Variants in PRIM2 observed in about 807,000 individuals in gnomAD.
PRIM2 encodes the protein DNA primase large subunit.
Under a neutral mutation model 67.3 loss-of-function variants are expected in PRIM2, and 39 were observed. That is an observed-to-expected ratio of 0.58 (90% CI 0.45 to 0.76). The LOEUF (loss-of-function observed/expected upper bound fraction) is 0.76, where lower values mean the gene tolerates loss of function less well. PRIM2 is among the 30% of genes least tolerant of loss of function. PRIM2 has a pLI of 0.00. For synonymous variants in PRIM2, 143 were observed against 198.7 expected (o/e 0.72, Z 2.36); for missense variants, 398 against 598.7 (o/e 0.66, Z 3.50).
At chr6:57,450,124 G>C (rs1026246650) in intron 7 of PRIM2, among the ~76,000 whole-genome samples, 1 of 151,972 alleles carries the variant, frequency 6.6e-6, no homozygotes, top group African/African-American at 2.4e-5. Flanking sequence ...TGTCATCCCA[G>C]GTGAATTAAA....
chr6:57,537,054 A>G (rs1419343113), intron 9 of PRIM2, among the ~76,000 whole-genome samples: 1 of 152,156 alleles, frequency 6.6e-6, no homozygotes, highest in Admixed American at 6.5e-5. Context: ...GTGATAATCT[A>G]CTGTAGTTGT....
At chr6:57,344,569 A>G (rs1013893486) in intron 5 of PRIM2, among the ~76,000 whole-genome samples, 4 of 152,204 alleles carry the variant, frequency 2.6e-5, no homozygotes, top group Admixed American at 6.5e-5. Context: ...AGTAAACACT[A>G]CAAGTATAAT....
intron 7 of PRIM2, among the ~76,000 whole-genome samples, chr6:57,464,402 C>T (rs2397316): frequency 1.3e-5 from 2 of 152,008 alleles, no homozygotes; most frequent in Non-Finnish European, 2.9e-5. Context: ...CTCAGCCTCC[C>T]AAGTAGCTGG....
At chr6:57,498,459 C>G (rs1774055212) in intron 7 of PRIM2, among the ~76,000 whole-genome samples, 1 of 152,114 alleles carries the variant, frequency 6.6e-6, no homozygotes, top group Admixed American at 6.6e-5. Flanking sequence ...ATATTTATCT[C>G]TTTGTCATTT....
At chr6:57,591,468 A>G (rs1230822878) in intron 10 of PRIM2, among the ~76,000 whole-genome samples, 2 of 152,146 alleles carry the variant, frequency 1.3e-5, no homozygotes, top group African/African-American at 2.4e-5. Flanking sequence ...ACTTCTAATG[A>G]TTTTGGTATC....
chr6:57,575,047 CTA>C (rs1775936896), intron 10 of PRIM2, among the ~76,000 whole-genome samples: 1 of 152,140 alleles, frequency 6.6e-6, no homozygotes, highest in African/African-American at 2.4e-5. Context: ...TCTTCGTACC[CTA>C]GAGTCAGGTA....
At chr6:57,356,184 C>CTG (rs1769024549) in intron 5 of PRIM2, among the ~76,000 whole-genome samples, 1 of 152,154 alleles carries the variant, frequency 6.6e-6, no homozygotes, top group South Asian at 2.1e-4. Flanking sequence ...GCTGTAACAC[C>CTG]TGTAGTTGAA....
At chr6:57,520,239 A>G (rs1774583316) in intron 8 of PRIM2, among the ~76,000 whole-genome samples, 1 of 152,210 alleles carries the variant, frequency 6.6e-6, no homozygotes, top group East Asian at 1.9e-4. Flanking sequence ...AGAATGCCAT[A>G]AATGTGTAAT....
intron 8 of PRIM2, among the ~76,000 whole-genome samples, chr6:57,515,555 A>C (rs1554348145): frequency 6.6e-6 from 1 of 152,218 alleles, no homozygotes; most frequent in Non-Finnish European, 1.5e-5. Flanking sequence ...GAGGAAGCCA[A>C]ATGTTAAAGC....
At chr6:57,615,114 A>G (rs1219388131) in intron 12 of PRIM2, among the ~76,000 whole-genome samples, 1 of 152,120 alleles carries the variant, frequency 6.6e-6, no homozygotes, top group Non-Finnish European at 1.5e-5. Flanking sequence ...AAATATTTAT[A>G]TTTTGAGATA....
intron 5 of PRIM2, among the ~76,000 whole-genome samples, chr6:57,344,653 A>G (rs1768610346): frequency 6.6e-6 from 1 of 152,206 alleles, no homozygotes; most frequent in Admixed American, 6.5e-5. Context: ...ATGTATATTT[A>G]TTGGGCAGTT....
the PRIM2 span, among the ~76,000 whole-genome samples, chr6:57,306,607 T>C: frequency 6.6e-6 from 1 of 152,130 alleles, no homozygotes; most frequent in East Asian, 1.9e-4. Flanking sequence ...ACCTAACAAG[T>C]ATATTTGCTG....
intron 7 of PRIM2, among the ~76,000 whole-genome samples, chr6:57,484,670 G>A (rs1333941476): frequency 3.9e-5 from 6 of 152,026 alleles, no homozygotes; most frequent in African/African-American, 1.4e-4. Flanking sequence ...GTTTTTCTGT[G>A]ACTCTCCAAA....
At chr6:57,477,533 A>G (rs1472644657) in intron 7 of PRIM2, among the ~76,000 whole-genome samples, 3 of 152,220 alleles carry the variant, frequency 2.0e-5, no homozygotes, top group Admixed American at 2.0e-4. Context: ...TTTCTATAAC[A>G]TTTGTTGCTT....
chr6:57,536,328 G>T (rs2127469647), intron 9 of PRIM2, among the ~76,000 whole-genome samples: 1 of 152,340 alleles, frequency 6.6e-6, no homozygotes, highest in South Asian at 2.1e-4. Context: ...AGTAGGCAAT[G>T]ATATTTCATT....
chr6:57,281,787 C>T, the PRIM2 span, among the ~76,000 whole-genome samples: 1 of 152,250 alleles, frequency 6.6e-6, no homozygotes, highest in African/African-American at 2.4e-5. Flanking sequence ...CAGATGAATT[C>T]TCACTCACTA....
chr6:57,475,636 T>C (rs1773458917), intron 7 of PRIM2, among the ~76,000 whole-genome samples: 3 of 152,350 alleles, frequency 2.0e-5, no homozygotes, highest in Non-Finnish European at 4.4e-5. Flanking sequence ...CAGCATTGTT[T>C]TGACTGCCAC....
chr6:57,620,099 G>A (rs1776824889), intron 12 of PRIM2, among the ~76,000 whole-genome samples: 3 of 152,128 alleles, frequency 2.0e-5, no homozygotes, highest in Non-Finnish European at 4.4e-5. Context: ...GGGAGGCTGA[G>A]GCAGGAGAAT....
At chr6:57,486,286 T>C (rs1773751432) in intron 7 of PRIM2, among the ~76,000 whole-genome samples, 1 of 152,188 alleles carries the variant, frequency 6.6e-6, no homozygotes, top group Non-Finnish European at 1.5e-5. Context: ...AGTGTTCCAT[T>C]ATTGGAACGT....
Sources: allele counts gnomAD v4.1 joint callset (sites outside exome capture counted in the v4.1 genomes callset), GRCh38; gene constraint gnomAD v4.1.1; transcripts MANE v1.5; gene names NCBI Gene and HGNC (gene_info 2026-07-23, HGNC 2026-07-21).